The following SCRN1 variants were observed in gnomAD, a reference collection of about 807,000 sequenced individuals.
SCRN1 encodes secernin-1.
In SCRN1, 19 loss-of-function variants were observed where a neutral mutation model predicts 43.3. The ratio of observed to expected loss-of-function variants is 0.44; its 90% CI spans 0.31 to 0.64. SCRN1 has a LOEUF of 0.64. SCRN1 is among the 30% of genes least tolerant of loss of function. The pLI is 0.09. For synonymous variants in SCRN1, 183 were observed against 188.9 expected (o/e 0.97, Z 0.26); for missense variants, 447 against 524.1 (o/e 0.85, Z 1.44).
At chr7:29,986,415 T>C (rs894241931) in intron 1 of SCRN1, among the ~76,000 whole-genome samples, 3 of 152,168 alleles carry the variant, frequency 2.0e-5, no homozygotes, top group East Asian at 1.9e-4. Context: ...TTAAATTCTT[T>C]CTTCATATTA....
intron 1 of SCRN1, among the ~76,000 whole-genome samples, chr7:29,976,112 TC>T (rs1788828321): frequency 6.6e-6 from 1 of 151,958 alleles, no homozygotes; most frequent in Non-Finnish European, 1.5e-5. Flanking sequence ...TTTCTCCTTG[TC>T]CCCCCTCCAA....
Position 29,985,190 on chromosome 7 carries a change from G to A in SCRN1, c.-2+4452C>T, listed in dbSNP as rs775651637. The stretch of plus-strand genomic sequence containing the variant: ...GGAGACTGAGGCAGGCGGATCATGA[G>A]GTCAGGAGTTTGAGACGAGCCTGAC... On this transcript the variant is annotated intron_variant, in intron 1 of 7. Coordinates refer to ENST00000242059, the MANE Select transcript of SCRN1 (RefSeq NM_014766.5). Among the ~76,000 whole-genome samples the A allele has an allele frequency of 5.6e-5, 8 of 143,504 alleles. 1 individual carries two copies. The highest frequency in any genetic ancestry group is 2.8e-4 in the Admixed American group (4 of 14,290). 94.1% of individuals were successfully genotyped at this position (143,504 alleles called of 152,430 possible).
rs182535328 is a variant in SCRN1 at position 29,954,000 on chromosome 7, T to C, written c.341+1179A>G. Among the ~76,000 whole-genome samples, 14 of 152,322 alleles carry C rather than the reference T, an allele frequency of 9.2e-5. No individual in the cohort carries two copies. In the East Asian group the frequency reaches 2.7e-3, roughly 29 times the overall value. Reference sequence around the variant, plus strand: ...CCAGCCCAATCTTCTTTCAACTATGTCATGATTTTATTTCATTTCACTATT... The same window carrying C: ...CCAGCCCAATCTTCTTTCAACTATGCCATGATTTTATTTCATTTCACTATT... On this transcript the variant is annotated intron_variant, in intron 3 of 7. Transcript: ENST00000242059.
At chr7:29,981,347 A>G (rs1312231655) in intron 1 of SCRN1, among the ~76,000 whole-genome samples, 2 of 152,228 alleles carry the variant, frequency 1.3e-5, no homozygotes, top group Non-Finnish European at 2.9e-5. Context: ...GTTCAACTGC[A>G]GGGAAAACAG....
chr7:29,954,304 T>C (rs558502461), intron 3 of SCRN1, among the ~76,000 whole-genome samples: 12 of 152,080 alleles, frequency 7.9e-5, no homozygotes, highest in Non-Finnish European at 1.3e-4. Flanking sequence ...TCTATTTTTC[T>C]TTTCTAGTTT....
intron 1 of SCRN1, among the ~76,000 whole-genome samples, chr7:29,977,282 T>G (rs1203797362): frequency 6.6e-6 from 1 of 152,222 alleles, no homozygotes; most frequent in East Asian, 1.9e-4. Flanking sequence ...ACTGAATACA[T>G]TTAAATTCAA....
intron 6 of SCRN1, 106 bp from the exon 7 acceptor site, chr7:29,926,738 G>C: frequency 1.1e-6 from 1 of 933,788 alleles, no homozygotes; most frequent in South Asian, 1.7e-5. Flanking sequence ...ACTTATGGTG[G>C]GTGGTGGGTG....
intron 7 of SCRN1, among the ~76,000 whole-genome samples, chr7:29,926,104 A>G (rs947675907): frequency 1.3e-5 from 2 of 152,218 alleles, no homozygotes; most frequent in Non-Finnish European, 2.9e-5. Context: ...TTTTACCCCC[A>G]AAAGTACATA....
At chr7:29,967,464 C>T (rs979507170) in intron 2 of SCRN1, among the ~76,000 whole-genome samples, 3 of 150,754 alleles carry the variant, frequency 2.0e-5, no homozygotes, top group East Asian at 1.9e-4. Context: ...CCTGGGCTCA[C>T]GTGATCCTCT....
chr7:29,958,605 T>C (rs1380111230), intron 2 of SCRN1, among the ~76,000 whole-genome samples: 4 of 152,156 alleles, frequency 2.6e-5, no homozygotes, highest in Non-Finnish European at 4.4e-5. Flanking sequence ...TTAATTTCTA[T>C]TAGAAAAGAA....
chr7:29,980,524 T>G (rs568914952), intron 1 of SCRN1, among the ~76,000 whole-genome samples: 18 of 152,316 alleles, frequency 1.2e-4, no homozygotes, highest in African/African-American at 4.3e-4. Flanking sequence ...CTCTGTAAAC[T>G]GGGATTTAAA....
rs747005113 is a variant in SCRN1 at position 29,940,724 on chromosome 7, G to A, written c.697C>T (p.Leu233=). 1.8e-5 allele frequency: 29 copies of A among 1,606,338 alleles called. No individual in the cohort carries two copies. The highest frequency in any genetic ancestry group is 2.5e-5 in the Non-Finnish European group (29 of 1,177,932). Residue 233 remains leucine (L), a synonymous_variant, in exon 5 of 8, where the codon CTA becomes TTA. Coordinates refer to ENST00000242059, the MANE Select transcript of SCRN1 (RefSeq NM_014766.5). ...CTGTCTTTGCCAGCACCGCAGTCTAGATGATCCTCAACTGGAGAAAAGACT... is the reference window on the plus strand; with the variant it reads ...CTGTCTTTGCCAGCACCGCAGTCTAAATGATCCTCAACTGGAGAAAAGACT... The part of the protein sequence containing the change: ...SEVFSPVEDH[L]DCGAGKDSLE...
chr7:29,962,653 A>C (rs1007484550), intron 2 of SCRN1, among the ~76,000 whole-genome samples: 1 of 152,184 alleles, frequency 6.6e-6, no homozygotes, highest in African/African-American at 2.4e-5. Flanking sequence ...ATGCCACTGC[A>C]CTCCAGCCTG....
chr7:29,964,738 T>G (rs1479892467), intron 2 of SCRN1, among the ~76,000 whole-genome samples: 2 of 149,908 alleles, frequency 1.3e-5, no homozygotes, highest in African/African-American at 2.5e-5. Context: ...AGGTCAGGAG[T>G]TCAAGACAGG....
At chr7:29,940,999 T>C (rs1334813166) in intron 4 of SCRN1, 123 bp from the exon 5 acceptor site, 2 of 802,868 alleles carry the variant, frequency 2.5e-6, no homozygotes, top group East Asian at 6.5e-5. Flanking sequence ...GGAATCCATT[T>C]AATTTTTGAA....
Position 29,955,272 on chromosome 7 carries a change from G to C in SCRN1, c.248C>G (p.Ala83Gly), listed in dbSNP as rs763674250. 6.2e-7 allele frequency: 1 copy of C among 1,614,102 alleles called. No homozygotes were observed. Among genetic ancestry groups the C allele is most frequent in the Non-Finnish European group, 8.5e-7 (1 of 1,179,988 alleles). ...PAWLWGAEMG[A>G]NEHGVCIANE... The stretch of plus-strand genomic sequence containing the variant: ...GGCTATGCACACTCCATGTTCATTG[G>C]CTCCCATTTCTGCTCCCCAGAGCCA... Residue 83 changes from alanine (A) to glycine (G), a missense_variant, in exon 3 of 8, where the codon GCC becomes GGC. Ala to Gly is a moderately conservative substitution (Grantham distance 60). Transcript: ENST00000242059.
rs1211840448 is a variant in SCRN1 at position 29,965,971 on chromosome 7, C to T, written c.159+2938G>A. ...TAGTATGGCTACTTAACAAATTACC[C>T]CAAAATTTAGTGGTGTAAAACAACT... On this transcript the variant is annotated intron_variant, in intron 2 of 7. Transcript: ENST00000242059. This position sits in a 1 kb window ranked among gnomAD's most constrained non-coding sequence, Gnocchi z 4.2. Among the ~76,000 whole-genome samples, 1 of 151,710 alleles carries T rather than the reference C, an allele frequency of 6.6e-6. No individual in the cohort carries two copies. Among genetic ancestry groups the T allele is most frequent in the Non-Finnish European group, 1.5e-5 (1 of 67,960 alleles).
At chr7:29,978,493 G>C (rs1214962583) in intron 1 of SCRN1, among the ~76,000 whole-genome samples, 1 of 152,022 alleles carries the variant, frequency 6.6e-6, no homozygotes, top group Non-Finnish European at 1.5e-5. Context: ...GATACCGCCT[G>C]CCTAGCCCTG....
chr7:29,934,454 A>T (rs1326878604), intron 6 of SCRN1, among the ~76,000 whole-genome samples: 1 of 152,232 alleles, frequency 6.6e-6, no homozygotes, highest in Non-Finnish European at 1.5e-5. Context: ...CCTGTTCCCT[A>T]AAAAGCCATG....
Sources: allele counts gnomAD v4.1 joint callset (sites outside exome capture counted in the v4.1 genomes callset), GRCh38; gene constraint gnomAD v4.1.1; non-coding constraint Gnocchi (gnomAD v3.1); transcripts MANE v1.5; gene names NCBI Gene and HGNC (gene_info 2026-07-23, HGNC 2026-07-21).